The following KCNC4 variants were observed in gnomAD, a reference collection of about 807,000 sequenced individuals.
KCNC4 encodes the protein potassium voltage-gated channel subfamily C member 4, also known as voltage-gated potassium channel KCNC4.
A neutral mutation model predicts 42.8 loss-of-function variants in KCNC4; 23 were observed. That is an observed-to-expected ratio of 0.54 (90% confidence interval 0.39 to 0.76). The LOEUF (loss-of-function observed/expected upper bound fraction) is 0.76. KCNC4 is among the 30% of genes least tolerant of loss of function. KCNC4 has a pLI of 0.00. For synonymous variants in KCNC4, 422 were observed against 393.5 expected, an observed-to-expected ratio of 1.07 and a Z score of -0.86; for missense variants, 751 against 898.2, an observed-to-expected ratio of 0.84 and a Z score of 2.10.
chr1:110,248,125 G>A (rs1457687016), exon 4 of KCNC4: 1 of 152,218 alleles, frequency 6.6e-6, no homozygotes, highest in Non-Finnish European at 1.5e-5. Flanking sequence ...CTAAGGCTTT[G>A]TCTGTCATGA....
At chr1:110,266,848 C>T (rs760477954) in intron 1 of KCNC4, among the ~76,000 whole-genome samples, 5 of 152,170 alleles carry the variant, frequency 3.3e-5, no homozygotes, top group African/African-American at 7.2e-5. Flanking sequence ...GGACCCCGTG[C>T]CTTGATGTGC....
chr1:110,254,107 T>G (rs1659291665), downstream of KCNC4, among the ~76,000 whole-genome samples: 11 of 145,794 alleles, frequency 7.5e-5, no homozygotes, highest in South Asian at 7.3e-4. Flanking sequence ...GGGGCGGCGT[T>G]TCTGTTGTTG....
intron 1 of KCNC4, among the ~76,000 whole-genome samples, chr1:110,216,707 G>A (rs1657813036): frequency 6.6e-6 from 1 of 152,128 alleles, no homozygotes; most frequent in Non-Finnish European, 1.5e-5. Context: ...TGTCAGCCTG[G>A]GATGCTGGGC....
At chr1:110,224,349 A>C (rs567735879) in intron 2 of KCNC4, 1 of 166,304 alleles carries the variant, frequency 6.0e-6, no homozygotes, top group South Asian at 1.8e-4. Flanking sequence ...TACAAATGTC[A>C]GGTACTGTCA....
chr1:110,255,470 G>C (rs551972763), intron 1 of KCNC4, among the ~76,000 whole-genome samples: 22 of 152,212 alleles, frequency 1.4e-4, no homozygotes, highest in South Asian at 4.1e-4. Context: ...TATACTTTAA[G>C]ATGCTTAGCG....
At chr1:110,215,482 C>T (rs1657748320) in intron 1 of KCNC4, among the ~76,000 whole-genome samples, 1 of 152,224 alleles carries the variant, frequency 6.6e-6, no homozygotes, top group Non-Finnish European at 1.5e-5. Flanking sequence ...CCAGGATGCC[C>T]TTCCCCTACC....
chr1:110,275,809 T>C (rs1659709484), intron 1 of KCNC4, among the ~76,000 whole-genome samples: 1 of 151,822 alleles, frequency 6.6e-6, no homozygotes, highest in Admixed American at 6.6e-5. Context: ...ATACAAAAAA[T>C]TAGCCAGGCA....
chr1:110,261,251 G>A (rs1434892703), intron 1 of KCNC4, among the ~76,000 whole-genome samples: 1 of 152,096 alleles, frequency 6.6e-6, no homozygotes, highest in Non-Finnish European at 1.5e-5. Context: ...TATGCCCTTA[G>A]GGAAACACTT....
chr1:110,240,626 A>G (rs1659010731), exon 4 of KCNC4: 1 of 152,332 alleles, frequency 6.6e-6, no homozygotes, highest in African/African-American at 2.4e-5. Flanking sequence ...GCCCCTCGAG[A>G]AGACCAGGGG....
chr1:110,279,490 T>C (rs1166773670), intron 1 of KCNC4, among the ~76,000 whole-genome samples: 1 of 152,200 alleles, frequency 6.6e-6, no homozygotes, highest in Admixed American at 6.5e-5. Context: ...GTGGTCTCCC[T>C]GAGATGCACA....
At chr1:110,241,180 A>C (rs1012536635) in exon 4 of KCNC4, 1 of 152,022 alleles carries the variant, frequency 6.6e-6, no homozygotes, top group African/African-American at 2.4e-5. Context: ...AATACTCTCT[A>C]TCTTTCTGCT....
At chr1:110,219,763 G>T (rs1657990771) in intron 1 of KCNC4, 1 of 152,234 alleles carries the variant, frequency 6.6e-6, no homozygotes, top group Non-Finnish European at 1.5e-5. Context: ...GATACACAGT[G>T]TGGACAGGTG....
chr1:110,211,959 G>T lies in KCNC4; in HGVS notation c.460G>T (p.Ala154Ser), dbSNP rs1657486399. ...GATGACCTACCGGCAGCACCGCGAC[G>T]CCGAGGAGGCGCTCGACATCTTCGA... ...CWMTYRQHRD[A>S]EEALDIFESP... The change falls in exon 1 of 4, where the codon GCC becomes TCC. Residue 154 changes from alanine (A) to serine (S), a missense_variant. By Grantham distance (99) the Ala-to-Ser change is moderately conservative. Around this residue, in one of 4 missense-constraint regions of KCNC4, gnomAD observed 183 missense variants for 255.8 expected, o/e 0.72. Coordinates refer to ENST00000438661, the MANE Select transcript of KCNC4 (RefSeq NM_001039574.3). This position sits in a 1 kb window ranked among gnomAD's most constrained non-coding sequence, Gnocchi z 6.5. 1 of 1,611,114 alleles carries T rather than the reference G, an allele frequency of 6.2e-7. No homozygotes were observed. Among genetic ancestry groups the T allele is most frequent in the Non-Finnish European group, 8.5e-7 (1 of 1,179,730 alleles).
chr1:110,215,740 C>T (rs373106273), intron 1 of KCNC4, among the ~76,000 whole-genome samples: 11 of 152,198 alleles, frequency 7.2e-5, no homozygotes, highest in African/African-American at 2.7e-4. Flanking sequence ...CTCATCTGGC[C>T]TAGGTGAGGC....
At position 110,268,548 on chromosome 1, in the gene KCNC4, G is replaced by C. The variant is rs184784218; in HGVS notation, n.31-13986G>C. On this transcript the variant is annotated intron_variant and non_coding_transcript_variant, in intron 1 of 2. Coordinates refer to the KCNC4 transcript ENST00000412512. Reference sequence around the variant, plus strand: ...GTGAACCCGGGAGGCAGAGTTTGCAGTGAGTCGAGATCGCGCCACTGCACT... The same window carrying C: ...GTGAACCCGGGAGGCAGAGTTTGCACTGAGTCGAGATCGCGCCACTGCACT... Among the ~76,000 whole-genome samples, 5 of 145,248 alleles carry C rather than the reference G, an allele frequency of 3.4e-5. No individual in the cohort carries two copies. In the Admixed American group the frequency reaches 3.5e-4, roughly 10 times the overall value.
chr1:110,264,828 T>C (rs1659509984), intron 1 of KCNC4, among the ~76,000 whole-genome samples: 2 of 152,132 alleles, frequency 1.3e-5, no homozygotes, highest in African/African-American at 4.8e-5. Flanking sequence ...ATGCCTGTAA[T>C]TCCAGCACTT....
Position 110,272,227 on chromosome 1 carries a change from G to C in KCNC4, n.31-10307G>C, listed in dbSNP as rs539053672. 2.8e-4 allele frequency among the ~76,000 whole-genome samples: 42 copies of C among 152,306 alleles called. 1 individual carries two copies. In the East Asian group the frequency reaches 6.0e-3, roughly 22 times the overall value. On this transcript the variant is annotated intron_variant and non_coding_transcript_variant, in intron 1 of 2. Coordinates refer to the KCNC4 transcript ENST00000412512. Reference sequence around the variant, plus strand: ...TCAATGTTGAACAATCTATTGGCTGGTCAGCAGCCAATCAGATTCACCCTC... The same window carrying C: ...TCAATGTTGAACAATCTATTGGCTGCTCAGCAGCCAATCAGATTCACCCTC...
exon 4 of KCNC4, chr1:110,245,627 G>A (rs1659129132): frequency 6.6e-6 from 1 of 152,150 alleles, no homozygotes; most frequent in East Asian, 1.9e-4. Flanking sequence ...GCAACCATAA[G>A]GAAGCTGATT....
chr1:110,244,212 C>G (rs546203458), exon 4 of KCNC4: 3 of 152,292 alleles, frequency 2.0e-5, no homozygotes, highest in East Asian at 3.9e-4. Context: ...TTAGAACAAA[C>G]CCTAACTCGG....
Sources: gnomAD v4.1 joint callset for allele counts (sites outside exome capture counted in the v4.1 genomes callset) on GRCh38, gnomAD v4.1.1 for gene constraint, gnomAD v4.1.1 regional missense constraint, Gnocchi (gnomAD v3.1) non-coding constraint, MANE v1.5 for transcripts, NCBI Gene and HGNC (gene_info 2026-07-23, HGNC 2026-07-21) for gene names.